CERKL: variants seen among roughly 807,000 people sequenced by gnomAD.
CERKL encodes CERK like autophagy regulator.
A neutral mutation model predicts 63.4 loss-of-function variants in CERKL; 61 were observed. The ratio of observed to expected loss-of-function variants is 0.96; its 90% CI spans 0.78 to 1.19. The LOEUF is 1.19. CERKL is among the 50% of genes most tolerant of loss of function. The pLI, the probability that CERKL is intolerant of heterozygous loss-of-function variation, is 0.00. For missense variants in CERKL, 675 were observed against 655.5 expected (o/e 1.03, Z -0.33); for synonymous variants, 250 against 230.5 (o/e 1.08, Z -0.77).
intron 11 of CERKL, among the ~76,000 whole-genome samples, chr2:181,544,089 T>C (rs1001110639): frequency 3.9e-5 from 6 of 152,112 alleles, no homozygotes; most frequent in Non-Finnish European, 5.9e-5. Flanking sequence ...TTCACATAGT[T>C]CAAGGATCAT....
intron 1 of CERKL, among the ~76,000 whole-genome samples, chr2:181,636,681 T>C (rs1356333684): frequency 6.6e-6 from 1 of 152,188 alleles, no homozygotes; most frequent in Non-Finnish European, 1.5e-5. Context: ...TTTTTCAAAA[T>C]TTTCTTTTTC....
At chr2:181,605,545 T>G (rs1420010011) in intron 1 of CERKL, among the ~76,000 whole-genome samples, 2 of 152,182 alleles carry the variant, frequency 1.3e-5, no homozygotes, top group Non-Finnish European at 2.9e-5. Context: ...GGCTAAAGAC[T>G]GCTGTGATTC....
chr2:181,611,490 C>G lies in CERKL; in HGVS notation c.239-7411G>C, dbSNP rs976079255. Among the ~76,000 whole-genome samples the G allele has an allele frequency of 3.3e-5, 5 of 151,942 alleles. No individual in the cohort carries two copies. In the South Asian group the frequency reaches 1.0e-3, roughly 32 times the overall value. On this transcript the variant is annotated intron_variant, in intron 1 of 12. Coordinates refer to ENST00000410087, the MANE Select transcript of CERKL (RefSeq NM_201548.5). ...CCTGGGCAACATAGTGAGACCTCAT[C>G]TCTACAAAAAAATAAAAAATAAACA...
At chr2:181,641,747 T>C (rs982751964) in intron 1 of CERKL, among the ~76,000 whole-genome samples, 3 of 152,178 alleles carry the variant, frequency 2.0e-5, no homozygotes, top group African/African-American at 7.2e-5. Context: ...AGTTATTGAA[T>C]TCAAATTAAT....
chr2:181,632,916 G>A (rs1012025832), intron 1 of CERKL, among the ~76,000 whole-genome samples: 2 of 152,078 alleles, frequency 1.3e-5, no homozygotes, highest in African/African-American at 2.4e-5. Flanking sequence ...CACAATTTAG[G>A]GAAATTATAC....
At chr2:181,641,283 A>G (rs1030692025) in intron 1 of CERKL, among the ~76,000 whole-genome samples, 2 of 145,278 alleles carry the variant, frequency 1.4e-5, no homozygotes, top group African/African-American at 5.1e-5. Context: ...ATGTGTGTAT[A>G]TATGTATATA....
chr2:181,562,632 T>TTTTTAAATAAG (rs1688496005), intron 4 of CERKL, among the ~76,000 whole-genome samples: 1 of 152,184 alleles, frequency 6.6e-6, no homozygotes, highest in South Asian at 2.1e-4. Context: ...ACAAATCTTG[T>TTTTTAAATAAG]TTTTAAAATA....
intron 10 of CERKL, 103 bp from the exon 11 acceptor site, chr2:181,544,899 G>A (rs1574432885): frequency 1.5e-6 from 1 of 657,456 alleles, no homozygotes; most frequent in East Asian, 2.9e-5. Flanking sequence ...TTTACTGAAA[G>A]TATTGGACAA....
chr2:181,566,485 T>C (rs755648775), intron 3 of CERKL, among the ~76,000 whole-genome samples: 4 of 152,178 alleles, frequency 2.6e-5, no homozygotes, highest in Non-Finnish European at 5.9e-5. Context: ...GCATATTAGC[T>C]GGCATTGAAC....
rs1267362169 is a variant in CERKL at position 181,609,533 on chromosome 2, T to TGAAAAAA, written c.239-5455_239-5454insTTTTTTC. On this transcript the variant is annotated intron_variant, in intron 1 of 12. Coordinates refer to ENST00000410087, the MANE Select transcript of CERKL (RefSeq NM_201548.5). ...CACCATGGTGAAACCCTGTCTCTAC[T>TGAAAAAA]AAAAAAAAAAAAAAAAAAAAAAATT... 2.4e-4 allele frequency among the ~76,000 whole-genome samples: 17 copies of TGAAAAAA among 70,234 alleles called. 2 individuals are homozygous for TGAAAAAA. Among genetic ancestry groups the TGAAAAAA allele is most frequent in the African/African-American group, 5.2e-4 (11 of 21,106 alleles). 46.1% of individuals were successfully genotyped at this position (70,234 alleles called of 152,430 possible).
chr2:181,619,231 A>G (rs1686343593), intron 1 of CERKL, among the ~76,000 whole-genome samples: 1 of 152,002 alleles, frequency 6.6e-6, no homozygotes, highest in Admixed American at 6.6e-5. Context: ...CCTCAGGAAA[A>G]ACATTTATAA....
intron 1 of CERKL, among the ~76,000 whole-genome samples, chr2:181,624,388 T>C (rs976988343): frequency 1.3e-5 from 2 of 150,254 alleles, no homozygotes; most frequent in Non-Finnish European, 3.0e-5. Flanking sequence ...AAAAAAAAAA[T>C]TAGTCAAGTG....
In CERKL at chr2:181,547,996, C is replaced by CAT. The variant is rs1553513332; in HGVS notation, c.1134-150_1134-149insAT. 15 of 735,340 alleles carry CAT rather than the reference C, an allele frequency of 2.0e-5. 2 individuals are homozygous for CAT. The highest frequency in any genetic ancestry group is 1.8e-4 in the South Asian group (10 of 55,050). 45.6% of individuals were successfully genotyped at this position (735,340 alleles called of 1,614,324 possible). On this transcript the variant is annotated intron_variant, in intron 8 of 12. Coordinates refer to ENST00000410087, the MANE Select transcript of CERKL (RefSeq NM_201548.5). ...TCTTCAATTAGATAGTAAGTAAAAACGTACAATTTTGTTGCTGCCAACATA... is the reference window on the plus strand; with the variant it reads ...TCTTCAATTAGATAGTAAGTAAAAACATGTACAATTTTGTTGCTGCCAACATA...
chr2:181,582,980 A>G (rs1684595150), intron 2 of CERKL, among the ~76,000 whole-genome samples: 1 of 152,140 alleles, frequency 6.6e-6, no homozygotes. Context: ...TTTCCACTTT[A>G]TCTTTGCTCA....
At chr2:181,543,590 G>A (rs893784137) in intron 11 of CERKL, among the ~76,000 whole-genome samples, 7 of 152,126 alleles carry the variant, frequency 4.6e-5, no homozygotes, top group African/African-American at 1.7e-4. Flanking sequence ...TATGGCTAAG[G>A]TACATAAGCA....
chr2:181,584,437 A>C (rs1230333985), intron 2 of CERKL, among the ~76,000 whole-genome samples: 1 of 151,638 alleles, frequency 6.6e-6, no homozygotes, highest in African/African-American at 2.4e-5. Flanking sequence ...ACTTGATATC[A>C]AGAGTCTGAG....
At chr2:181,654,854 C>T (rs1426515503) in intron 1 of CERKL, among the ~76,000 whole-genome samples, 5 of 152,000 alleles carry the variant, frequency 3.3e-5, no homozygotes, top group African/African-American at 7.3e-5. Context: ...GTGTGATCTC[C>T]GCTCACAGCA....
rs982888904 is a variant in CERKL at position 181,550,817 on chromosome 2, AATT to A, written c.821-1112_821-1110del. Among the ~76,000 whole-genome samples the A allele has an allele frequency of 6.6e-6, 1 of 152,192 alleles. No homozygotes were observed. Among genetic ancestry groups the A allele is most frequent in the Non-Finnish European group, 1.5e-5 (1 of 68,028 alleles). Reference sequence around the variant, plus strand: ...TAGGTAACTAAGAATAAGCATATTTAATTATTATTAATTATAAATAAGCACAAT... The same window carrying A: ...TAGGTAACTAAGAATAAGCATATTTAATTATTAATTATAAATAAGCACAAT... On this transcript the variant is annotated intron_variant, in intron 5 of 12. Coordinates refer to ENST00000410087, the MANE Select transcript of CERKL (RefSeq NM_201548.5). This position sits in a 1 kb window ranked among gnomAD's most constrained non-coding sequence, Gnocchi z 4.5.
chr2:181,578,209 CACACATATATAT>C (rs1181229989), intron 2 of CERKL, among the ~76,000 whole-genome samples: 3 of 151,392 alleles, frequency 2.0e-5, no homozygotes, highest in African/African-American at 4.9e-5. Flanking sequence ...TATATATATA[CACACATATATAT>C]ACACACACAC....
Sources: allele counts gnomAD v4.1 joint callset (sites outside exome capture counted in the v4.1 genomes callset), GRCh38; gene constraint gnomAD v4.1.1; non-coding constraint Gnocchi (gnomAD v3.1); transcripts MANE v1.5; gene names NCBI Gene and HGNC (gene_info 2026-07-23, HGNC 2026-07-21).